The following TLCD4 variants were observed in gnomAD, a reference collection of about 807,000 sequenced individuals.
TLCD4 encodes TLC domain-containing protein 4.
Under a neutral mutation model 24.2 loss-of-function variants are expected in TLCD4, and 7 were observed. The observed-to-expected ratio is 0.29, with a 90% confidence interval of 0.16 to 0.54. TLCD4 has a LOEUF of 0.54. Among genes scored for constraint, TLCD4 ranks in the 20% least tolerant of loss-of-function variants. TLCD4 has a pLI of 0.95. For synonymous variants in TLCD4, 103 were observed against 106.4 expected (o/e 0.97, Z 0.20); for missense variants, 259 against 313.9 (o/e 0.82, Z 1.32).
chr1:95,171,606 T>G (rs1339205775), intron 5 of TLCD4, among the ~76,000 whole-genome samples: 1 of 152,186 alleles, frequency 6.6e-6, no homozygotes, highest in Non-Finnish European at 1.5e-5. Context: ...CACCAGAGTG[T>G]CCCAGACATC....
At chr1:95,184,515 A>G (rs566784857) in intron 6 of TLCD4, among the ~76,000 whole-genome samples, 83 of 152,324 alleles carry the variant, frequency 5.4e-4, no homozygotes, top group African/African-American at 1.9e-3. Flanking sequence ...CTTAATGGGA[A>G]GGTTCAAGTT....
upstream of TLCD4, among the ~76,000 whole-genome samples, chr1:95,112,544 A>G (rs79801645): frequency 3.7e-4 from 56 of 152,356 alleles, no homozygotes; most frequent in East Asian, 0.01. Context: ...AAAATAGGTC[A>G]GATACAGAGG....
the TLCD4 span, among the ~76,000 whole-genome samples, chr1:95,104,052 A>G: frequency 6.6e-6 from 1 of 152,220 alleles, no homozygotes; most frequent in Admixed American, 6.5e-5. Context: ...TGTAGGAGCC[A>G]TAAAAGGGGA....
At chr1:95,103,948 A>G in the TLCD4 span, among the ~76,000 whole-genome samples, 1 of 152,246 alleles carries the variant, frequency 6.6e-6, no homozygotes, top group Non-Finnish European at 1.5e-5. Context: ...CTGTACTAAC[A>G]GAACACTGTG....
chr1:95,114,292 A>G (rs1323874355), upstream of TLCD4, among the ~76,000 whole-genome samples: 1 of 152,228 alleles, frequency 6.6e-6, no homozygotes, highest in Non-Finnish European at 1.5e-5. Context: ...AACACAGGAA[A>G]AAGTAGTGCT....
chr1:95,104,663 C>CAAAAAAAAAAAAA, the TLCD4 span, among the ~76,000 whole-genome samples: 28 of 40,608 alleles, frequency 6.9e-4, 1 homozygote, highest in African/African-American at 1.5e-3. Flanking sequence ...GACTCCGTCT[C>CAAAAAAAAAAAAA]AAAAAAAAAA....
chr1:95,135,567 T>C (rs2100922981), intron 1 of TLCD4, among the ~76,000 whole-genome samples: 1 of 151,980 alleles, frequency 6.6e-6, no homozygotes, highest in African/African-American at 2.4e-5. Context: ...CCGGCTAATT[T>C]TTGTATTTTT....
chr1:95,098,652 T>C, the TLCD4 span, among the ~76,000 whole-genome samples: 1 of 152,162 alleles, frequency 6.6e-6, no homozygotes, highest in Non-Finnish European at 1.5e-5. Context: ...GTTAGAAAAA[T>C]TGAGATGATC....
At chr1:95,179,922 G>T (rs971786566) in intron 6 of TLCD4, among the ~76,000 whole-genome samples, 15 of 152,276 alleles carry the variant, frequency 9.9e-5, no homozygotes, top group African/African-American at 2.9e-4. Flanking sequence ...AGGCTGAATT[G>T]GGTGCCTCTT....
At chr1:95,175,068 G>A (rs111507210) in intron 6 of TLCD4, among the ~76,000 whole-genome samples, 2 of 152,164 alleles carry the variant, frequency 1.3e-5, no homozygotes. Context: ...GAGCCACTGC[G>A]CCTGGCCCAT....
At chr1:95,189,598 C>T (rs1678956105) in intron 6 of TLCD4, among the ~76,000 whole-genome samples, 1 of 152,170 alleles carries the variant, frequency 6.6e-6, no homozygotes, top group African/African-American at 2.4e-5. Flanking sequence ...ATTCTGTTTT[C>T]TGTCTTGATA....
chr1:95,121,418 C>CT (rs570606175), intron 1 of TLCD4, among the ~76,000 whole-genome samples: 2 of 152,204 alleles, frequency 1.3e-5, no homozygotes, highest in Non-Finnish European at 2.9e-5. Context: ...ACCCCATTTG[C>CT]TGATCAAACT....
In TLCD4 at chr1:95,193,555, T is replaced by C. The variant is rs1223598017; in HGVS notation, c.*1687T>C. ...GAGAACGTTTGACTCACTTTCATTG[T>C]TCATGCTAGCTGAATATAATCAAGA... On this transcript the variant is annotated 3_prime_UTR_variant, in exon 7 of 7. Coordinates refer to ENST00000370203, the MANE Select transcript of TLCD4 (RefSeq NM_152487.3). 6.6e-6 allele frequency: 1 copy of C among 152,124 alleles called. No homozygotes were observed. Among genetic ancestry groups the C allele is most frequent in the African/African-American group, 2.4e-5 (1 of 41,452 alleles). The allele number at this position is 152,124 out of a possible 1,614,324, so 9.4% of individuals were successfully genotyped here.
At chr1:95,176,476 C>T (rs941038951) in intron 6 of TLCD4, among the ~76,000 whole-genome samples, 1 of 152,186 alleles carries the variant, frequency 6.6e-6, no homozygotes, top group Non-Finnish European at 1.5e-5. Flanking sequence ...CAGGCATGAG[C>T]CACTGAGCCA....
At position 95,194,512 on chromosome 1, in the gene TLCD4, ATTAAT is replaced by A. The variant is rs1435215703; in HGVS notation, c.*2649_*2653del. 6.6e-6 allele frequency: 1 copy of A among 152,192 alleles called. No homozygotes were observed. Among genetic ancestry groups the A allele is most frequent in the East Asian group, 1.9e-4 (1 of 5,202 alleles). 9.4% of individuals were successfully genotyped at this position (152,192 alleles called of 1,614,324 possible). A position where few individuals can be genotyped will look rare whatever the true frequency, so the allele number is the denominator to read the frequency against. ...AATATTAAGTATTTTGACTACACGG[ATTAAT>A]TTAAATGATTCTATCAGGCATTCTG... is the stretch of plus-strand genomic sequence containing the variant. On this transcript the variant is annotated 3_prime_UTR_variant, in exon 7 of 7. Coordinates refer to ENST00000370203, the MANE Select transcript of TLCD4 (RefSeq NM_152487.3).
At chr1:95,163,885 C>G (rs1282511963) in intron 5 of TLCD4, 1 of 152,418 alleles carries the variant, frequency 6.6e-6, no homozygotes, top group Non-Finnish European at 1.5e-5. Context: ...GAGGGGCACC[C>G]AGCCATATGA....
intron 3 of TLCD4, among the ~76,000 whole-genome samples, chr1:95,149,457 C>G (rs556443963): frequency 6.6e-6 from 1 of 152,058 alleles, no homozygotes; most frequent in Non-Finnish European, 1.5e-5. Flanking sequence ...TTGTGGGCTC[C>G]GGGGGATGTA....
chr1:95,180,641 G>C (rs927521120), intron 6 of TLCD4, among the ~76,000 whole-genome samples: 1 of 152,114 alleles, frequency 6.6e-6, no homozygotes, highest in African/African-American at 2.4e-5. Flanking sequence ...ATGCCCACAC[G>C]CAGGTTTCTT....
At chr1:95,109,857 A>G in the TLCD4 span, among the ~76,000 whole-genome samples, 3,635 of 139,960 alleles carry the variant, frequency 0.026, 70 homozygotes, top group Admixed American at 0.031. Flanking sequence ...TTCTTCTTTT[A>G]TTTTGTAAGA....
Sources: allele counts gnomAD v4.1 joint callset (sites outside exome capture counted in the v4.1 genomes callset), GRCh38; gene constraint gnomAD v4.1.1; transcripts MANE v1.5; gene names NCBI Gene and HGNC (gene_info 2026-07-23, HGNC 2026-07-21).